The following RTN4 variants were observed in gnomAD, a reference collection of about 807,000 sequenced individuals.
The protein encoded by RTN4 is reticulon-4.
In RTN4, 32 loss-of-function variants were observed where a neutral mutation model predicts 90.4. That is an observed-to-expected ratio of 0.35 (90% CI 0.27 to 0.48). The LOEUF (loss-of-function observed/expected upper bound fraction) is 0.48, where lower values mean the gene tolerates loss of function less well. RTN4 is among the 20% of genes least tolerant of loss of function. RTN4 has a pLI of 0.99. For synonymous variants in RTN4, 629 were observed against 552.5 expected (o/e 1.14, Z -1.94); for missense variants, 1,706 against 1,430.2 (o/e 1.19, Z -3.11).
chr2:55,092,530 G>T (rs777473867), intron 1 of RTN4, among the ~76,000 whole-genome samples: 1 of 152,094 alleles, frequency 6.6e-6, no homozygotes, highest in Non-Finnish European at 1.5e-5. Context: ...CACCGTGCCC[G>T]GCCCGAAGGA....
intron 1 of RTN4, among the ~76,000 whole-genome samples, chr2:55,031,347 T>C (rs1426959230): frequency 6.6e-6 from 1 of 152,192 alleles, no homozygotes. Context: ...AGCCTAAGAA[T>C]ACCGCACTCT....
chr2:54,979,703 A>C (rs956477418), intron 5 of RTN4, among the ~76,000 whole-genome samples: 3 of 152,196 alleles, frequency 2.0e-5, no homozygotes, highest in Admixed American at 6.5e-5. Flanking sequence ...CTGAATTACC[A>C]AGGGCTTTAC....
intron 1 of RTN4, among the ~76,000 whole-genome samples, chr2:55,086,597 G>A (rs1417693922): frequency 3.3e-5 from 5 of 151,956 alleles, no homozygotes; most frequent in Non-Finnish European, 7.4e-5. Flanking sequence ...TCAAGCCCAC[G>A]ATTTCGAGGC....
At chr2:55,037,845 A>C (rs534672533) in intron 1 of RTN4, among the ~76,000 whole-genome samples, 15 of 152,318 alleles carry the variant, frequency 9.8e-5, no homozygotes, top group Admixed American at 6.5e-4. Context: ...GACACAAAAC[A>C]ATTTTGAAAA....
chr2:55,078,837 T>C (rs1477534168), intron 2 of RTN4, among the ~76,000 whole-genome samples: 1 of 152,018 alleles, frequency 6.6e-6, no homozygotes, highest in African/African-American at 2.4e-5. Context: ...TGGGTGTTTG[T>C]GGAGGGAGTA....
chr2:55,026,446 A>G lies in RTN4; in HGVS notation c.1653T>C (p.Thr551=). The change falls in exon 3 of 9, where the codon ACT becomes ACC. Residue 551 remains threonine, a synonymous_variant. Coordinates refer to ENST00000337526, the MANE Select transcript of RTN4 (RefSeq NM_020532.5). ...CACATGCTTCCTGTACTAAATCTGG[A>G]GTCAGGCCTTCAGGCATGTTTGCCA... ...EVVANMPEGL[T]PDLVQEACES... 6.2e-7 allele frequency: 1 copy of G among 1,613,898 alleles called. No individual in the cohort carries two copies. Among genetic ancestry groups the G allele is most frequent in the Non-Finnish European group, 8.5e-7 (1 of 1,179,896 alleles).
chr2:54,973,217 A>G lies in RTN4; in HGVS notation c.3537-19T>C, dbSNP rs759611253. On this transcript the variant is annotated intron_variant, in intron 8 of 8. Coordinates refer to ENST00000337526, the MANE Select transcript of RTN4 (RefSeq NM_020532.5). ...TTGGATTCTGAAAATGAAAAAGTCA[A>G]TGTAAATATCAGTTTTGTTTGCTGC... is the stretch of plus-strand genomic sequence containing the variant. The G allele has an allele frequency of 1.3e-6, 2 of 1,596,092 alleles. No homozygotes were observed. The highest frequency in any genetic ancestry group is 1.3e-5 in the African/African-American group (1 of 74,728).
intron 1 of RTN4, among the ~76,000 whole-genome samples, chr2:55,103,726 G>A (rs893397460): frequency 1.3e-5 from 2 of 151,842 alleles, no homozygotes; most frequent in Non-Finnish European, 2.9e-5. Context: ...ACGGAGTCTC[G>A]CTCTGTTGCC....
At chr2:54,996,218 T>C (rs1267683303) in intron 3 of RTN4, among the ~76,000 whole-genome samples, 1 of 152,130 alleles carries the variant, frequency 6.6e-6, no homozygotes, top group Admixed American at 6.5e-5. Context: ...CTTAAATAAT[T>C]GGAAAGACTC....
At chr2:55,122,270 C>T in the RTN4 span, among the ~76,000 whole-genome samples, 2 of 152,220 alleles carry the variant, frequency 1.3e-5, no homozygotes, top group African/African-American at 4.8e-5. Flanking sequence ...TGAGCCACTG[C>T]ACCCGGCCTT....
At chr2:55,046,464 T>C (rs543992999) in intron 1 of RTN4, among the ~76,000 whole-genome samples, 8 of 152,286 alleles carry the variant, frequency 5.3e-5, no homozygotes, top group African/African-American at 1.7e-4. Flanking sequence ...TGCTTGGAAA[T>C]GTTTTCTCTC....
chr2:55,092,435 A>G (rs544250907), intron 1 of RTN4, among the ~76,000 whole-genome samples: 2 of 152,040 alleles, frequency 1.3e-5, no homozygotes, highest in East Asian at 3.9e-4. Context: ...GGGTTTCTCC[A>G]TGTTGTCAGC....
chr2:54,998,271 T>A (rs1679599677), intron 3 of RTN4, among the ~76,000 whole-genome samples: 1 of 151,956 alleles, frequency 6.6e-6, no homozygotes, highest in Non-Finnish European at 1.5e-5. Context: ...TGGAAATAGA[T>A]TTAAAACTTT....
intron 1 of RTN4, among the ~76,000 whole-genome samples, chr2:55,081,809 G>C (rs1464086013): frequency 7.6e-6 from 1 of 131,396 alleles, no homozygotes; most frequent in African/African-American, 2.9e-5. Flanking sequence ...GTTGCATTGA[G>C]TTAAGATCAT....
chr2:55,105,227 G>GTTTT (rs869164590), intron 1 of RTN4, among the ~76,000 whole-genome samples: 12 of 114,038 alleles, frequency 1.1e-4, no homozygotes, highest in African/African-American at 1.7e-4. Context: ...TGCTATTGAA[G>GTTTT]TTTTTTTTTT....
chr2:55,063,374 G>A (rs552148869), intron 2 of RTN4, among the ~76,000 whole-genome samples: 5 of 152,310 alleles, frequency 3.3e-5, no homozygotes, highest in African/African-American at 9.6e-5. Context: ...AGGAGACTGC[G>A]TGTGGGAAGT....
At position 55,050,366 on chromosome 2, in the gene RTN4, G is replaced by A; in HGVS notation, c.-66C>T. 2.7e-6 allele frequency: 3 copies of A among 1,099,012 alleles called. No homozygotes were observed. The highest frequency in any genetic ancestry group is 3.6e-6 in the Non-Finnish European group (3 of 823,680). 68.1% of individuals were successfully genotyped at this position (1,099,012 alleles called of 1,614,324 possible). A position where few individuals can be genotyped will look rare whatever the true frequency, so the allele number is the denominator to read the frequency against. Reference sequence around the variant, plus strand: ...CGCCGGGGCCGCGTCTCAGAGCCGCGGGCGGTTGTGGGGGTTGGGGAGGAC... The same window carrying A: ...CGCCGGGGCCGCGTCTCAGAGCCGCAGGCGGTTGTGGGGGTTGGGGAGGAC... On this transcript the variant is annotated 5_prime_UTR_variant, in exon 1 of 9. Transcript: ENST00000337526. The surrounding 1 kb of genome is among the most constrained non-coding windows in gnomAD (Gnocchi z 4.6).
chr2:55,044,785 TAAAAAAAAAAAA>T (rs10639848), intron 1 of RTN4, among the ~76,000 whole-genome samples: 3 of 65,646 alleles, frequency 4.6e-5, no homozygotes, highest in African/African-American at 1.2e-4. Context: ...TGCAAATCAC[TAAAAAAAAAAAA>T]AAAAAAAAAA....
In RTN4 at chr2:55,050,040, C is replaced by T. The variant is rs1189914926; in HGVS notation, c.261G>A (p.Pro87=). 7.1e-7 allele frequency: 1 copy of T among 1,404,206 alleles called. No individual in the cohort carries two copies. Among genetic ancestry groups the T allele is most frequent in the Non-Finnish European group, 9.2e-7 (1 of 1,086,260 alleles). 87.0% of individuals were successfully genotyped at this position (1,404,206 alleles called of 1,614,324 possible). A position where few individuals can be genotyped will look rare whatever the true frequency, so the allele number is the denominator to read the frequency against. ...PLMDFGNDFV[P]PAPRGPLPAA... ...CCGGCAGGGGTCCCCGGGGCGCCGGCGGCACGAAGTCATTTCCGAAGTCCA... is the reference window on the plus strand; with the variant it reads ...CCGGCAGGGGTCCCCGGGGCGCCGGTGGCACGAAGTCATTTCCGAAGTCCA... Residue 87 remains proline, a synonymous_variant, in exon 1 of 9, where the codon CCG becomes CCA. Coordinates refer to ENST00000337526, the MANE Select transcript of RTN4 (RefSeq NM_020532.5). The surrounding 1 kb of genome is among the most constrained non-coding windows in gnomAD (Gnocchi z 4.6).
Sources: gnomAD v4.1 joint callset for allele counts (sites outside exome capture counted in the v4.1 genomes callset) on GRCh38, gnomAD v4.1.1 for gene constraint, Gnocchi (gnomAD v3.1) non-coding constraint, MANE v1.5 for transcripts, NCBI Gene and HGNC (gene_info 2026-07-23, HGNC 2026-07-21) for gene names.